Variants in SYT1 observed in about 807,000 individuals in gnomAD.
SYT1 encodes the protein synaptotagmin-1.
A neutral mutation model predicts 44.8 loss-of-function variants in SYT1; 8 were observed. The ratio of observed to expected loss-of-function variants is 0.18; its 90% confidence interval spans 0.10 to 0.32. The LOEUF is 0.32. Among genes scored for constraint, SYT1 ranks in the 10% least tolerant of loss-of-function variants. The pLI is 1.00. For synonymous variants in SYT1, 154 were observed against 188.8 expected, an observed-to-expected ratio of 0.82 and a Z score of 1.51; for missense variants, 286 against 509.3, an observed-to-expected ratio of 0.56 and a Z score of 4.22.
At chr12:79,120,013 C>G (rs1776254785) in intron 3 of SYT1, among the ~76,000 whole-genome samples, 1 of 152,086 alleles carries the variant, frequency 6.6e-6, no homozygotes, top group African/African-American at 2.4e-5. Flanking sequence ...ACTGAGGGAG[C>G]CAATCAAGCT....
chr12:78,923,684 C>T (rs1033875811), intron 1 of SYT1, among the ~76,000 whole-genome samples: 1 of 150,404 alleles, frequency 6.6e-6, no homozygotes. Context: ...CTCCACCCCC[C>T]CTTTCTTTCT....
chr12:78,957,166 A>T (rs1213634698), intron 1 of SYT1, among the ~76,000 whole-genome samples: 1 of 152,124 alleles, frequency 6.6e-6, no homozygotes, highest in Non-Finnish European at 1.5e-5. Flanking sequence ...ATGTGCCTTG[A>T]TTATTAAGAA....
chr12:79,076,959 CT>C (rs1592726640), intron 3 of SYT1, among the ~76,000 whole-genome samples: 2 of 152,172 alleles, frequency 1.3e-5, no homozygotes, highest in Admixed American at 1.3e-4. Context: ...CTTCCTACCC[CT>C]AACCCCAACT....
intron 8 of SYT1, among the ~76,000 whole-genome samples, chr12:79,350,430 T>G (rs1037546745): frequency 6.6e-6 from 1 of 151,886 alleles, no homozygotes; most frequent in Non-Finnish European, 1.5e-5. Context: ...TTTTTTCTAT[T>G]TTTAGTAGAG....
intron 3 of SYT1, among the ~76,000 whole-genome samples, chr12:79,123,352 T>TGTGTGTGTGTGTGTGTGTGTGTG (rs1565816421): frequency 1.3e-5 from 2 of 149,682 alleles, no homozygotes; most frequent in Non-Finnish European, 1.5e-5. Context: ...TGTGTGTGTG[T>TGTGTGTGTGTGTGTGTGTGTGTG]TTAGCTATCA....
rs1872242499 is a variant in SYT1, at chr12:79,179,302, A to ATATGTC, written c.-17-38198_-17-38197insGTCTAT. ...TATAGATATATAGATACAGATTTAG[A>ATATGTC]TATATCTATATAGATATAGATATAG... On this transcript the variant is annotated intron_variant, in intron 3 of 10. Coordinates refer to ENST00000261205, the MANE Select transcript of SYT1 (RefSeq NM_005639.3). Among the ~76,000 whole-genome samples the ATATGTC allele has an allele frequency of 6.2e-5, 6 of 96,282 alleles. 2 individuals carry two copies. The highest frequency in any genetic ancestry group is 2.2e-4 in the African/African-American group (5 of 22,986). 63.2% of individuals were successfully genotyped at this position (96,282 alleles called of 152,430 possible).
intron 8 of SYT1, among the ~76,000 whole-genome samples, chr12:79,308,652 G>GAAAGAA (rs1051568193): frequency 9.2e-6 from 1 of 108,818 alleles, no homozygotes; most frequent in Non-Finnish European, 2.0e-5. Flanking sequence ...AAGAAAGAAA[G>GAAAGAA]AAAGAAAAGA....
At chr12:79,178,250 T>TC (rs34991169) in intron 3 of SYT1, among the ~76,000 whole-genome samples, 108,723 of 151,948 alleles carry the variant, frequency 0.72, 39,400 homozygotes, top group African/African-American at 0.8. Flanking sequence ...CATTTTGAGA[T>TC]TTTTTTATTC....
chr12:79,363,065 C>G (rs1423122231), intron 9 of SYT1, among the ~76,000 whole-genome samples: 1 of 151,988 alleles, frequency 6.6e-6, no homozygotes, highest in Admixed American at 6.6e-5. Flanking sequence ...TAATCCAACC[C>G]AGAATGCTTA....
intron 3 of SYT1, among the ~76,000 whole-genome samples, chr12:79,111,956 G>A (rs1399722411): frequency 4.0e-5 from 6 of 151,538 alleles, no homozygotes; most frequent in Admixed American, 2.0e-4. Context: ...ATTGCAGAGC[G>A]CAGTGGTAGT....
chr12:78,942,195 A>C (rs1191522111), intron 1 of SYT1, among the ~76,000 whole-genome samples: 4 of 151,744 alleles, frequency 2.6e-5, no homozygotes, highest in African/African-American at 9.7e-5. Context: ...ATGTCCTTTA[A>C]CTCTTTATGT....
chr12:79,294,339 C>T (rs1017716616), intron 6 of SYT1, among the ~76,000 whole-genome samples: 2 of 151,998 alleles, frequency 1.3e-5, no homozygotes, highest in Admixed American at 1.3e-4. Context: ...AAATATTACA[C>T]ATTGGTTTTT....
intron 8 of SYT1, among the ~76,000 whole-genome samples, chr12:79,310,621 A>C (rs1475606352): frequency 2.0e-5 from 3 of 152,190 alleles, no homozygotes; most frequent in Non-Finnish European, 2.9e-5. Context: ...GGCCATTTTC[A>C]TGATATTGAT....
intron 2 of SYT1, among the ~76,000 whole-genome samples, chr12:79,026,672 TATATA>T (rs1565769663): frequency 1.3e-3 from 98 of 74,284 alleles, no homozygotes; most frequent in African/African-American, 4.8e-3. Flanking sequence ...ATATTTTATA[TATATA>T]TATATATATA....
At chr12:78,982,820 T>G (rs549901183) in intron 2 of SYT1, among the ~76,000 whole-genome samples, 7 of 152,174 alleles carry the variant, frequency 4.6e-5, no homozygotes, top group Non-Finnish European at 1.0e-4. Context: ...TCAATCTATT[T>G]TTATCTCCTA....
intron 3 of SYT1, among the ~76,000 whole-genome samples, chr12:79,091,351 C>T (rs1270364860): frequency 6.6e-6 from 1 of 151,898 alleles, no homozygotes; most frequent in African/African-American, 2.4e-5. Context: ...TAAGTCTCTA[C>T]ATGGTGTAAG....
At chr12:79,219,678 T>G (rs1875034802) in intron 4 of SYT1, among the ~76,000 whole-genome samples, 1 of 152,096 alleles carries the variant, frequency 6.6e-6, no homozygotes, top group Admixed American at 6.5e-5. Context: ...TCTTTCTGGG[T>G]TCTCTTTCTG....
At chr12:79,283,823 T>C (rs529809612) in intron 4 of SYT1, among the ~76,000 whole-genome samples, 2 of 151,956 alleles carry the variant, frequency 1.3e-5, no homozygotes, top group East Asian at 3.9e-4. Flanking sequence ...TAAGTATTTC[T>C]TTGGTAGAAA....
chr12:79,099,456 G>T (rs938304648), intron 3 of SYT1, among the ~76,000 whole-genome samples: 1 of 152,098 alleles, frequency 6.6e-6, no homozygotes, highest in Admixed American at 6.6e-5. Flanking sequence ...CCACATAGTT[G>T]TAAGGCATCT....
Sources: gnomAD v4.1 joint callset for allele counts (sites outside exome capture counted in the v4.1 genomes callset) on GRCh38, gnomAD v4.1.1 for gene constraint, MANE v1.5 for transcripts, NCBI Gene and HGNC (gene_info 2026-07-23, HGNC 2026-07-21) for gene names.